Variants in SDK1 observed in about 807,000 individuals in gnomAD.
The protein encoded by SDK1 is protein sidekick-1.
Under a neutral mutation model 245.5 loss-of-function variants are expected in SDK1, and 157 were observed. The observed-to-expected ratio is 0.64, with a 90% CI of 0.56 to 0.73. The LOEUF (loss-of-function observed/expected upper bound fraction) is 0.73. SDK1 is among the 30% of genes least tolerant of loss of function. SDK1 has a pLI of 0.00. For synonymous variants in SDK1, 1,647 were observed against 1,278.5 expected (o/e 1.29, Z -6.15); for missense variants, 3,583 against 3,002.3 (o/e 1.19, Z -4.52).
chr7:3,849,762 C>G (rs1165708530), intron 5 of SDK1, among the ~76,000 whole-genome samples: 1 of 152,118 alleles, frequency 6.6e-6, no homozygotes, highest in Non-Finnish European at 1.5e-5. Context: ...TTTTAGTTAG[C>G]AGGATCATTT....
intron 1 of SDK1, among the ~76,000 whole-genome samples, chr7:3,399,900 T>G (rs1209754864): frequency 7.2e-5 from 11 of 152,180 alleles, no homozygotes; most frequent in Non-Finnish European, 1.5e-4. Flanking sequence ...GCCCAACTGG[T>G]ATGGCCGACT....
At position 3,821,526 on chromosome 7, in the gene SDK1, G is replaced by T. The variant is rs1042342632; in HGVS notation, c.790G>T (p.Val264Leu). ...TGCCGGGGCATACTACGTGCAGGCC[G>T]TGAATGAGAAAAATGGAGAAAACAA... ...SDAGAYYVQA[V>L]NEKNGENKTS... Residue 264 changes from valine (V) to leucine (L), a missense_variant, in exon 5 of 45, where the codon GTG (valine) becomes TTG (leucine). Transcript: ENST00000404826. 3 of 1,613,530 alleles carry T rather than the reference G, an allele frequency of 1.9e-6. No individual in the cohort carries two copies. The East Asian group carries it at 6.7e-5, about 36-fold the overall frequency.
chr7:3,650,179 C>T (rs187421778), intron 4 of SDK1, among the ~76,000 whole-genome samples: 1 of 152,158 alleles, frequency 6.6e-6, no homozygotes, highest in Non-Finnish European at 1.5e-5. Flanking sequence ...CCTCCCAGAG[C>T]GCTGGGAGTA....
intron 1 of SDK1, among the ~76,000 whole-genome samples, chr7:3,566,707 A>G (rs1454493567): frequency 2.0e-5 from 3 of 151,580 alleles, no homozygotes; most frequent in Non-Finnish European, 4.4e-5. Context: ...CTAGAACTGC[A>G]AGAAACTACT....
chr7:3,487,393 A>G (rs1434517311), intron 1 of SDK1, among the ~76,000 whole-genome samples: 4 of 152,068 alleles, frequency 2.6e-5, no homozygotes, highest in African/African-American at 9.7e-5. Flanking sequence ...TGTATTCTCA[A>G]CAAGCACAAT....
chr7:3,942,122 G>C (rs1780392190), intron 5 of SDK1, among the ~76,000 whole-genome samples: 1 of 152,070 alleles, frequency 6.6e-6, no homozygotes, highest in South Asian at 2.1e-4. Context: ...TAGCTAGGAT[G>C]GTCTCGATCT....
chr7:3,503,503 A>G (rs912785826), intron 1 of SDK1, among the ~76,000 whole-genome samples: 7 of 152,040 alleles, frequency 4.6e-5, no homozygotes, highest in African/African-American at 1.7e-4. Flanking sequence ...TATAGTGAGA[A>G]CCTTCCTCTA....
chr7:3,902,184 A>G (rs1280755410), intron 5 of SDK1, among the ~76,000 whole-genome samples: 1 of 152,196 alleles, frequency 6.6e-6, no homozygotes, highest in South Asian at 2.1e-4. Context: ...TTCAGTGGCT[A>G]GAAATGTGCG....
chr7:3,798,829 C>CA (rs977218853), intron 4 of SDK1, among the ~76,000 whole-genome samples: 2 of 152,284 alleles, frequency 1.3e-5, no homozygotes, highest in South Asian at 2.1e-4. Context: ...AAAACTACCA[C>CA]AAAAAATTAA....
intron 1 of SDK1, among the ~76,000 whole-genome samples, chr7:3,516,962 C>T (rs373474170): frequency 2.0e-5 from 3 of 152,064 alleles, no homozygotes; most frequent in African/African-American, 4.8e-5. Context: ...TAACCAGATA[C>T]TTTATCTTTT....
intron 14 of SDK1, among the ~76,000 whole-genome samples, chr7:3,998,578 C>T (rs780895329): frequency 4.5e-4 from 68 of 152,262 alleles, no homozygotes; most frequent in Non-Finnish European, 8.1e-4. Context: ...CAAGGCCCTG[C>T]CCCCTGGACA....
chr7:3,436,456 A>T (rs1057396051), intron 1 of SDK1, among the ~76,000 whole-genome samples: 1 of 152,184 alleles, frequency 6.6e-6, no homozygotes, highest in African/African-American at 2.4e-5. Flanking sequence ...CATGCTTGTC[A>T]TTCTAATCTA....
intron 26 of SDK1, among the ~76,000 whole-genome samples, chr7:4,128,183 C>T (rs543817616): frequency 1.6e-4 from 25 of 152,298 alleles, no homozygotes; most frequent in South Asian, 6.2e-4. Flanking sequence ...GTTTCGGACC[C>T]GGCCAGCGAG....
intron 40 of SDK1, among the ~76,000 whole-genome samples, chr7:4,227,673 A>T (rs1279727533): frequency 6.6e-6 from 1 of 152,192 alleles, no homozygotes; most frequent in African/African-American, 2.4e-5. Context: ...GACCCTGTTT[A>T]ATTGTCCATG....
At chr7:3,561,781 C>G (rs1246229360) in intron 1 of SDK1, among the ~76,000 whole-genome samples, 1 of 152,196 alleles carries the variant, frequency 6.6e-6, no homozygotes, top group Non-Finnish European at 1.5e-5. Flanking sequence ...CTGTTTCTAA[C>G]AAGCAAGCTG....
intron 5 of SDK1, among the ~76,000 whole-genome samples, chr7:3,903,630 C>T (rs1583537852): frequency 6.6e-6 from 1 of 152,112 alleles, no homozygotes; most frequent in Non-Finnish European, 1.5e-5. Context: ...GGTATGTATG[C>T]AAGAGAACTG....
Position 4,011,100 on chromosome 7 carries a change from G to C in SDK1, c.2266G>C (p.Ala756Pro). The C allele has an allele frequency of 1.2e-6, 2 of 1,613,814 alleles. No homozygotes were observed. Among genetic ancestry groups the C allele is most frequent in the South Asian group, 1.1e-5 (1 of 91,050 alleles). ...VNEVGRGQYS[A>P]ETSRLMLPEE... ...TGAAGTGGGCAGGGGCCAGTACAGC[G>C]CCGAGACAAGCAGGTGCGTGAATCC... The change falls in exon 15 of 45, where the codon GCC (alanine) becomes CCC (proline). Residue 756 changes from alanine (A) to proline (P), a missense_variant. Coordinates refer to ENST00000404826, the MANE Select transcript of SDK1 (RefSeq NM_152744.4).
At chr7:3,915,215 C>T (rs1469426473) in intron 5 of SDK1, among the ~76,000 whole-genome samples, 3 of 152,202 alleles carry the variant, frequency 2.0e-5, no homozygotes, top group Non-Finnish European at 1.5e-5. Flanking sequence ...GCTTCTGCCC[C>T]ATTCTCTCCA....
chr7:3,919,096 A>G (rs890709388), intron 5 of SDK1, among the ~76,000 whole-genome samples: 7 of 152,300 alleles, frequency 4.6e-5, no homozygotes, highest in African/African-American at 1.4e-4. Flanking sequence ...ATTATTAACT[A>G]TATTCCATCT....
Sources: allele counts gnomAD v4.1 joint callset (sites outside exome capture counted in the v4.1 genomes callset), GRCh38; gene constraint gnomAD v4.1.1; transcripts MANE v1.5; gene names NCBI Gene and HGNC (gene_info 2026-07-23, HGNC 2026-07-21).